The following CENPC variants were observed in gnomAD, a reference collection of about 807,000 sequenced individuals.
The protein encoded by CENPC is centromere protein C.
In CENPC, 63 loss-of-function variants were observed where a neutral mutation model predicts 112.1. The ratio of observed to expected loss-of-function variants is 0.56; its 90% CI spans 0.46 to 0.69. The LOEUF is 0.69. CENPC is among the 30% of genes least tolerant of loss of function. The pLI, the probability that CENPC is intolerant of heterozygous loss-of-function variation, is 0.00. For missense variants in CENPC, 1,000 were observed against 1,103.8 expected (o/e 0.91, Z 1.33); for synonymous variants, 333 against 367.6 (o/e 0.91, Z 1.08).
chr4:67,477,930 G>A (rs964162031), intron 17 of CENPC, among the ~76,000 whole-genome samples: 1 of 151,396 alleles, frequency 6.6e-6, no homozygotes, highest in Non-Finnish European at 1.5e-5. Context: ...TTTAACAATA[G>A]AATCGAACGA....
chr4:67,545,292 A>C, intron 1 of CENPC, 46 bp downstream of exon 1: 1 of 1,456,964 alleles, frequency 6.9e-7, no homozygotes. Flanking sequence ...CCCGTGCCCC[A>C]GCCAGCCGCT....
At chr4:67,502,370 A>G (rs1317956000) in intron 12 of CENPC, among the ~76,000 whole-genome samples, 1 of 147,470 alleles carries the variant, frequency 6.8e-6, no homozygotes. Flanking sequence ...GCCACTTTTA[A>G]TTCTCTAATA....
rs531073173 is a variant in CENPC, at chr4:67,480,658, G to T, written c.2671-5680C>A. On this transcript the variant is annotated intron_variant, in intron 17 of 18. Transcript: ENST00000273853. ...GGAGTCAATACGCAAGTCAATAAAT[G>T]TGAAATACCACATAAACAGAATTAA... is the stretch of plus-strand genomic sequence containing the variant. Among the ~76,000 whole-genome samples, 16 of 152,246 alleles carry T rather than the reference G, an allele frequency of 1.1e-4. No homozygotes were observed. The East Asian group carries it at 3.1e-3, about 29-fold the overall frequency.
chr4:67,537,010 A>C (rs1351072009), intron 4 of CENPC, among the ~76,000 whole-genome samples: 10 of 150,204 alleles, frequency 6.7e-5, no homozygotes, highest in African/African-American at 2.4e-4. Flanking sequence ...CAACATACCA[A>C]GATCCCTACC....
chr4:67,545,268 C>G (rs540329013), intron 1 of CENPC, 70 bp downstream of exon 1: 7 of 1,423,878 alleles, frequency 4.9e-6, no homozygotes, highest in African/African-American at 1.5e-5. Flanking sequence ...TTTCCTTCTC[C>G]CCAGCCTCGG....
intron 12 of CENPC, among the ~76,000 whole-genome samples, chr4:67,497,438 T>C (rs1321350746): frequency 6.6e-6 from 1 of 152,140 alleles, no homozygotes; most frequent in African/African-American, 2.4e-5. Flanking sequence ...TATTGCCAGT[T>C]CAGTTCCAGA....
intron 12 of CENPC, 186 bp downstream of exon 12, chr4:67,505,019 A>C (rs1725695187): frequency 1.8e-6 from 1 of 562,916 alleles, no homozygotes; most frequent in Admixed American, 3.7e-5. Context: ...CTACTTAAAA[A>C]ACTGTCACTC....
intron 13 of CENPC, 22 bp from the exon 14 acceptor site, chr4:67,494,010 A>G: frequency 6.7e-7 from 1 of 1,501,410 alleles, no homozygotes; most frequent in Non-Finnish European, 9.2e-7. Context: ...TGTCAGACAA[A>G]AGTGTATACA....
chr4:67,505,225 T>C lies in CENPC; in HGVS notation c.2111A>G (p.Glu704Gly), dbSNP rs758212108. 3.8e-6 allele frequency: 6 copies of C among 1,582,902 alleles called. No homozygotes were observed. Among genetic ancestry groups the C allele is most frequent in the Non-Finnish European group, 5.2e-6 (6 of 1,164,548 alleles). ...TTTACCTGAACTTCCATGAACTTCC[T>C]CATCATCCACATCATTCTTTCCAGA... ...LMSGKNDVDD[E>G]EVHGSSDDSK... The change falls in exon 12 of 19, where the codon GAG becomes GGG. Residue 704 changes from glutamate to glycine, a missense_variant. Glu to Gly is a moderately conservative substitution (Grantham distance 98). Transcript: ENST00000273853.
chr4:67,500,438 G>A (rs745328728), intron 12 of CENPC, among the ~76,000 whole-genome samples: 23 of 152,276 alleles, frequency 1.5e-4, no homozygotes, highest in South Asian at 4.1e-4. Context: ...CAAGGATCAC[G>A]TCAAGTGCCC....
Position 67,519,653 on chromosome 4 carries a change from ATAAG to A in CENPC, c.332-155_332-152del, listed in dbSNP as rs1726166288. Among the ~76,000 whole-genome samples, 3 of 152,258 alleles carry A rather than the reference ATAAG, an allele frequency of 2.0e-5. No homozygotes were observed. The South Asian group carries it at 6.2e-4, about 32-fold the overall frequency. ...TTAGAATCAAAGATCTATGATTAAA[ATAAG>A]TAAGTACTTAAGATTCTTCTATCTT... On this transcript the variant is annotated intron_variant, in intron 5 of 18. Transcript: ENST00000273853.
chr4:67,514,414 G>A lies in CENPC; in HGVS notation c.1104C>T (p.His368=), dbSNP rs779061425. ...LANDKHSHKP[H]PVETSQPSDK... is the part of the protein sequence containing the mutation. ...CAGAGGGCTGAGATGTCTCTACTGG[G>A]TGAGGTTTATGGGAATGTTTGTCAT... Residue 368 remains histidine, a synonymous_variant, in exon 8 of 19, where the codon CAC becomes CAT. Transcript: ENST00000273853. 6.2e-7 allele frequency: 1 copy of A among 1,613,644 alleles called. No homozygotes were observed. Among genetic ancestry groups the A allele is most frequent in the Non-Finnish European group, 8.5e-7 (1 of 1,179,860 alleles).
intron 1 of CENPC, among the ~76,000 whole-genome samples, chr4:67,545,072 G>A (rs1281821635): frequency 6.6e-6 from 1 of 152,012 alleles, no homozygotes. Flanking sequence ...AAAAAACCCA[G>A]CAGAAATCAC....
At chr4:67,473,002 A>C (rs1724708490) in intron 18 of CENPC, among the ~76,000 whole-genome samples, 1 of 152,368 alleles carries the variant, frequency 6.6e-6, no homozygotes, top group Non-Finnish European at 1.5e-5. Flanking sequence ...GGATTCCTCT[A>C]ACCAGACATA....
intron 12 of CENPC, among the ~76,000 whole-genome samples, chr4:67,499,532 C>G (rs1283091203): frequency 6.6e-6 from 1 of 152,220 alleles, no homozygotes; most frequent in Non-Finnish European, 1.5e-5. Flanking sequence ...TTCCTCACCT[C>G]TCAGCCTCCA....
chr4:67,487,160 C>T (rs1216683674), intron 17 of CENPC, among the ~76,000 whole-genome samples: 2 of 151,968 alleles, frequency 1.3e-5, no homozygotes, highest in East Asian at 3.9e-4. Flanking sequence ...TTAACTCCAA[C>T]ATTCCTTCTT....
At chr4:67,488,329 T>A (rs1725145613) in intron 17 of CENPC, among the ~76,000 whole-genome samples, 1 of 152,024 alleles carries the variant, frequency 6.6e-6, no homozygotes, top group Non-Finnish European at 1.5e-5. Flanking sequence ...CATTACTAAG[T>A]CAAAATTAAA....
intron 17 of CENPC, among the ~76,000 whole-genome samples, chr4:67,483,802 AGCTT>A (rs1725017456): frequency 1.3e-5 from 2 of 152,186 alleles, no homozygotes; most frequent in African/African-American, 4.8e-5. Context: ...AATAGAAAAA[AGCTT>A]ATAGAATAAG....
chr4:67,491,253 A>T (rs1725249752), intron 16 of CENPC, among the ~76,000 whole-genome samples: 1 of 149,408 alleles, frequency 6.7e-6, no homozygotes, highest in Non-Finnish European at 1.5e-5. Context: ...GGCTCACTGC[A>T]ATCTCCACCT....
Sources: gnomAD v4.1 joint callset for allele counts (sites outside exome capture counted in the v4.1 genomes callset) on GRCh38, gnomAD v4.1.1 for gene constraint, MANE v1.5 for transcripts, NCBI Gene and HGNC (gene_info 2026-07-23, HGNC 2026-07-21) for gene names.